Variants in TAFA4 observed in about 807,000 individuals in gnomAD.
TAFA4 encodes TAFA chemokine like family member 4.
TAFA4 carries 20 observed loss-of-function variants against 21.1 expected under a neutral mutation model. The ratio of observed to expected loss-of-function variants is 0.95; its 90% confidence interval spans 0.67 to 1.38. The LOEUF is 1.38. TAFA4 is among the 40% of genes most tolerant of loss of function. TAFA4 has a pLI of 0.00. For missense variants in TAFA4, 211 were observed against 180.9 expected (o/e 1.17, Z -0.95); for synonymous variants, 71 against 67.4 (o/e 1.05, Z -0.26).
At chr3:68,910,337 C>T (rs928656934) in intron 1 of TAFA4, among the ~76,000 whole-genome samples, 1 of 152,156 alleles carries the variant, frequency 6.6e-6, no homozygotes, top group African/African-American at 2.4e-5. Context: ...ACTTAACACA[C>T]TCCAGCTTCT....
intron 3 of TAFA4, among the ~76,000 whole-genome samples, chr3:68,817,787 A>G (rs1704022270): frequency 6.6e-6 from 1 of 152,182 alleles, no homozygotes. Context: ...GTAGTTCTCA[A>G]CAATGGGCTT....
chr3:68,906,429 C>A (rs2089901627), intron 1 of TAFA4, among the ~76,000 whole-genome samples: 1 of 152,114 alleles, frequency 6.6e-6, no homozygotes, highest in African/African-American at 2.4e-5. Flanking sequence ...AACGATGTAC[C>A]AAATACTATG....
At chr3:68,890,203 C>G (rs1003286696) in intron 1 of TAFA4, among the ~76,000 whole-genome samples, 1 of 151,894 alleles carries the variant, frequency 6.6e-6, no homozygotes, top group African/African-American at 2.4e-5. Flanking sequence ...ATAGAGGGAA[C>G]GAAGAAGAGA....
At chr3:68,883,553 G>T (rs544346634) in intron 2 of TAFA4, among the ~76,000 whole-genome samples, 1 of 152,024 alleles carries the variant, frequency 6.6e-6, no homozygotes, top group Non-Finnish European at 1.5e-5. Context: ...CACACTCAAA[G>T]GAAAGCAATT....
chr3:68,926,364 T>C (rs941704470), intron 1 of TAFA4, among the ~76,000 whole-genome samples: 10 of 152,186 alleles, frequency 6.6e-5, no homozygotes. Context: ...TAACTTTCCT[T>C]TTATATTTTT....
chr3:68,761,669 G>C (rs1377173750), intron 3 of TAFA4, among the ~76,000 whole-genome samples: 1 of 152,192 alleles, frequency 6.6e-6, no homozygotes, highest in East Asian at 1.9e-4. Flanking sequence ...GATATTTTGA[G>C]CTTATAATGA....
At chr3:68,792,382 G>A (rs371088350) in intron 3 of TAFA4, among the ~76,000 whole-genome samples, 4 of 152,082 alleles carry the variant, frequency 2.6e-5, no homozygotes, top group Non-Finnish European at 5.9e-5. Context: ...AGAGAGAGAG[G>A]TGATGTCTCA....
At chr3:68,819,805 G>C (rs1260661325) in intron 3 of TAFA4, among the ~76,000 whole-genome samples, 1 of 152,198 alleles carries the variant, frequency 6.6e-6, no homozygotes, top group Non-Finnish European at 1.5e-5. Context: ...TGAGGATGCA[G>C]AGAAAAGGGA....
intron 3 of TAFA4, among the ~76,000 whole-genome samples, chr3:68,824,382 A>G (rs543385525): frequency 1.3e-5 from 2 of 152,282 alleles, no homozygotes; most frequent in African/African-American, 4.8e-5. Flanking sequence ...CAGGCTGCCC[A>G]TGTTGCTTGG....
chr3:68,781,302 T>C (rs958759965), intron 3 of TAFA4, among the ~76,000 whole-genome samples: 8 of 151,100 alleles, frequency 5.3e-5, no homozygotes, highest in African/African-American at 1.5e-4. Flanking sequence ...CATGAAGCAA[T>C]GAAAAAGAGA....
At chr3:68,903,792 C>T (rs2089868576) in intron 1 of TAFA4, among the ~76,000 whole-genome samples, 1 of 152,184 alleles carries the variant, frequency 6.6e-6, no homozygotes, top group Admixed American at 6.5e-5. Context: ...ACAGGATCCA[C>T]TGGCTTCATC....
chr3:68,734,846 A>G (rs866788843), intron 5 of TAFA4, among the ~76,000 whole-genome samples: 2 of 152,058 alleles, frequency 1.3e-5, no homozygotes, highest in African/African-American at 2.4e-5. Context: ...CTCTTTCTGG[A>G]TCTATCAGTC....
chr3:68,733,711 G>A (rs184041956), intron 5 of TAFA4, among the ~76,000 whole-genome samples: 10 of 152,046 alleles, frequency 6.6e-5, no homozygotes, highest in Non-Finnish European at 1.2e-4. Context: ...GAAATTTTAC[G>A]TGTTTGTTAG....
chr3:68,894,180 A>G (rs988722368), intron 1 of TAFA4, among the ~76,000 whole-genome samples: 4 of 140,610 alleles, frequency 2.8e-5, no homozygotes, highest in African/African-American at 1.1e-4. Context: ...TTTTTTGGAG[A>G]CAGAGTCTCA....
chr3:68,867,919 C>T (rs566199639), intron 3 of TAFA4, among the ~76,000 whole-genome samples: 2 of 151,952 alleles, frequency 1.3e-5, no homozygotes, highest in African/African-American at 2.4e-5. Context: ...AGGAAGAAGA[C>T]AGTAACAAAG....
intron 3 of TAFA4, among the ~76,000 whole-genome samples, chr3:68,791,434 C>G (rs1013258753): frequency 6.6e-6 from 1 of 152,126 alleles, no homozygotes; most frequent in Admixed American, 6.5e-5. Flanking sequence ...GGATCCTCCT[C>G]TAAAGGATTC....
chr3:68,763,201 C>A (rs1420232642), intron 3 of TAFA4, among the ~76,000 whole-genome samples: 2 of 152,110 alleles, frequency 1.3e-5, no homozygotes, highest in East Asian at 3.9e-4. Context: ...TAAAGAGAGA[C>A]CTTTAGGAAA....
intron 3 of TAFA4, among the ~76,000 whole-genome samples, chr3:68,771,381 C>T (rs1702954031): frequency 6.6e-6 from 1 of 152,222 alleles, no homozygotes; most frequent in Non-Finnish European, 1.5e-5. Flanking sequence ...CACCCCTAGA[C>T]ACTGCCATGG....
intron 2 of TAFA4, 53 bp from the exon 3 acceptor site, chr3:68,880,898 C>G (rs2106950535): frequency 7.0e-7 from 1 of 1,421,046 alleles, no homozygotes; most frequent in East Asian, 2.3e-5. Context: ...GCCAGACTCC[C>G]TGGCAAGCAC....
Sources: gnomAD v4.1 joint callset for allele counts (sites outside exome capture counted in the v4.1 genomes callset) on GRCh38, gnomAD v4.1.1 for gene constraint, MANE v1.5 for transcripts, NCBI Gene and HGNC (gene_info 2026-07-23, HGNC 2026-07-21) for gene names.